The following SEPTIN10 variants were observed in gnomAD, a reference collection of about 807,000 sequenced individuals.
The protein encoded by SEPTIN10 is septin 10, also known as septin-10.
A neutral mutation model predicts 54.8 loss-of-function variants in SEPTIN10; 66 were observed. The observed-to-expected ratio is 1.21, with a 90% confidence interval of 0.99 to 1.48. The LOEUF (loss-of-function observed/expected upper bound fraction) is 1.48, where lower values mean the gene tolerates loss of function less well. Ranked by LOEUF, SEPTIN10 falls within the 40% of genes most tolerant of loss-of-function variation. The probability of loss-of-function intolerance (pLI) is 0.00; values close to 1 mark genes in which losing one functional copy is unlikely to be tolerated. For synonymous variants in SEPTIN10, 161 were observed against 181.0 expected, an observed-to-expected ratio of 0.89 and a Z score of 0.89; for missense variants, 620 against 545.6, an observed-to-expected ratio of 1.14 and a Z score of -1.36.
At position 109,543,498 on chromosome 2, in the gene SEPTIN10, G is replaced by C. The variant is rs1457341384; in HGVS notation, c.*811C>G. 6.6e-6 allele frequency: 1 copy of C among 152,118 alleles called. No individual in the cohort carries two copies. The highest frequency in any genetic ancestry group is 2.4e-5 in the African/African-American group (1 of 41,440). The allele number at this position is 152,118 out of a possible 1,614,324, so 9.4% of individuals were successfully genotyped here. On this transcript the variant is annotated 3_prime_UTR_variant, in exon 11 of 11. Transcript: ENST00000397712. The stretch of plus-strand genomic sequence containing the variant: ...AGATCATATCACCAATTGGGTAATT[G>C]TATAAAAAATTTTTAAGTTCTATAA...
chr2:109,593,785 C>T (rs1694642590), intron 1 of SEPTIN10, among the ~76,000 whole-genome samples: 1 of 152,078 alleles, frequency 6.6e-6, no homozygotes, highest in Non-Finnish European at 1.5e-5. Flanking sequence ...AGAGGAAATA[C>T]AAATGTCAAG....
intron 8 of SEPTIN10, among the ~76,000 whole-genome samples, chr2:109,554,740 T>C (rs549658338): frequency 7.5e-4 from 115 of 152,334 alleles, no homozygotes; most frequent in Non-Finnish European, 1.3e-3. Context: ...GTACATCTCA[T>C]GTTCAGCCTC....
chr2:109,564,313 T>C (rs933853037), intron 8 of SEPTIN10, 53 bp downstream of exon 8: 1 of 1,424,100 alleles, frequency 7.0e-7, no homozygotes, highest in Admixed American at 2.4e-5. Flanking sequence ...TATAAAAATA[T>C]GCAATCCTCT....
At position 109,589,233 on chromosome 2, in the gene SEPTIN10, C is replaced by A. The variant is rs1003914186; in HGVS notation, c.100-3395G>T. ...CCTTGGCACACCGCAACCTCCACCTCCCAGGTTCAAGTGGTCAGGTCAGGT... is the reference window on the plus strand; with the variant it reads ...CCTTGGCACACCGCAACCTCCACCTACCAGGTTCAAGTGGTCAGGTCAGGT... On this transcript the variant is annotated intron_variant, in intron 2 of 10. Transcript: ENST00000397712. Among the ~76,000 whole-genome samples, 4 of 152,234 alleles carry A rather than the reference C, an allele frequency of 2.6e-5. No individual in the cohort carries two copies. The South Asian group carries it at 8.3e-4, about 32-fold the overall frequency.
At chr2:109,590,357 G>A (rs895938478) in intron 2 of SEPTIN10, among the ~76,000 whole-genome samples, 1 of 151,988 alleles carries the variant, frequency 6.6e-6, no homozygotes, top group African/African-American at 2.4e-5. Flanking sequence ...GAGTGATTAA[G>A]GTCCCAAACC....
At chr2:109,600,487 C>G (rs1696371104) in intron 1 of SEPTIN10, among the ~76,000 whole-genome samples, 1 of 151,676 alleles carries the variant, frequency 6.6e-6, no homozygotes, top group Non-Finnish European at 1.5e-5. Context: ...CAAACTGCCC[C>G]TCAAAAAGAC....
intron 1 of SEPTIN10, chr2:109,613,231 G>GTT: frequency 7.9e-7 from 1 of 1,268,000 alleles, no homozygotes; most frequent in South Asian, 1.2e-5. Flanking sequence ...AAAAGTAACT[G>GTT]GAAAGGTTCA....
At chr2:109,581,803 A>C (rs1691212338) in intron 4 of SEPTIN10, among the ~76,000 whole-genome samples, 2 of 152,228 alleles carry the variant, frequency 1.3e-5, no homozygotes, top group Admixed American at 6.5e-5. Flanking sequence ...TATTTCACAC[A>C]GTACTTGAAA....
intron 7 of SEPTIN10, 30 bp downstream of exon 7, chr2:109,565,733 A>C: frequency 6.4e-7 from 1 of 1,552,326 alleles, no homozygotes; most frequent in Non-Finnish European, 8.9e-7. Context: ...AGATAGATAC[A>C]TATTTCTAGT....
chr2:109,587,122 T>G (rs1692744130), intron 2 of SEPTIN10, among the ~76,000 whole-genome samples: 1 of 152,008 alleles, frequency 6.6e-6, no homozygotes, highest in Non-Finnish European at 1.5e-5. Context: ...TGCTAAAGAA[T>G]CTACAGGAAA....
chr2:109,566,553 T>G (rs968232531), intron 6 of SEPTIN10, among the ~76,000 whole-genome samples: 1 of 151,794 alleles, frequency 6.6e-6, no homozygotes, highest in Non-Finnish European at 1.5e-5. Flanking sequence ...TTCCTATTGT[T>G]TGTGTGTGTG....
chr2:109,595,984 C>A (rs1021634148), intron 1 of SEPTIN10, among the ~76,000 whole-genome samples: 1 of 152,168 alleles, frequency 6.6e-6, no homozygotes, highest in African/African-American at 2.4e-5. Flanking sequence ...ACATATAATT[C>A]ACTGAGGCTA....
At chr2:109,598,707 G>A (rs1454461083) in intron 1 of SEPTIN10, among the ~76,000 whole-genome samples, 5 of 151,750 alleles carry the variant, frequency 3.3e-5, no homozygotes, top group Admixed American at 3.3e-4. Flanking sequence ...GCCAGGCATG[G>A]CAGTGCATGC....
At chr2:109,601,869 T>C (rs931468169) in intron 1 of SEPTIN10, among the ~76,000 whole-genome samples, 2 of 152,088 alleles carry the variant, frequency 1.3e-5, no homozygotes, top group Non-Finnish European at 2.9e-5. Flanking sequence ...CAAGGAAATA[T>C]GACTTTTTCC....
At chr2:109,579,428 G>T (rs905374699) in intron 4 of SEPTIN10, among the ~76,000 whole-genome samples, 2 of 149,412 alleles carry the variant, frequency 1.3e-5, no homozygotes, top group Non-Finnish European at 3.0e-5. Context: ...TTGTTGACCA[G>T]GCTTGAGTGT....
chr2:109,581,416 G>A (rs759085861), intron 4 of SEPTIN10, among the ~76,000 whole-genome samples: 3 of 150,168 alleles, frequency 2.0e-5, no homozygotes, highest in South Asian at 2.1e-4. Flanking sequence ...CTGCCTAGGC[G>A]ACAGAGTGAG....
In SEPTIN10 at chr2:109,559,822, C is replaced by T. The variant is rs555216743; in HGVS notation, c.1028+4544G>A. ...ATGGTTTCAGTTCATTCATTCCACT[C>T]CCAGAGCTGGAACAAAAATGGTTTC... On this transcript the variant is annotated intron_variant, in intron 8 of 10. Coordinates refer to ENST00000397712, the MANE Select transcript of SEPTIN10 (RefSeq NM_144710.5). 1.2e-4 allele frequency among the ~76,000 whole-genome samples: 19 copies of T among 152,154 alleles called. No homozygotes were observed. In the South Asian group the frequency reaches 1.5e-3, roughly 12 times the overall value.
intron 1 of SEPTIN10, chr2:109,613,502 G>A (rs1388911050): frequency 8.5e-6 from 2 of 236,088 alleles, no homozygotes; most frequent in East Asian, 9.1e-5. Context: ...CACAAACACC[G>A]CTGTGGATGT....
chr2:109,565,940 A>G, intron 6 of SEPTIN10, 81 bp from the exon 7 acceptor site: 7 of 1,236,246 alleles, frequency 5.7e-6, no homozygotes, highest in Non-Finnish European at 8.3e-6. Flanking sequence ...GAGAGAGAAG[A>G]GAATAATTAA....
Sources: allele counts gnomAD v4.1 joint callset (sites outside exome capture counted in the v4.1 genomes callset), GRCh38; gene constraint gnomAD v4.1.1; transcripts MANE v1.5; gene names NCBI Gene and HGNC (gene_info 2026-07-23, HGNC 2026-07-21).